Variants in ALK observed in about 807,000 individuals in gnomAD.
The protein encoded by ALK is ALK tyrosine kinase receptor.
In ALK, 74 loss-of-function variants were observed where a neutral mutation model predicts 163.1. The ratio of observed to expected loss-of-function variants is 0.45; its 90% CI spans 0.38 to 0.55. ALK has a LOEUF of 0.55. Ranked by LOEUF, ALK falls within the 20% of genes least tolerant of loss-of-function variation. ALK has a pLI of 0.00. For synonymous variants in ALK, 960 were observed against 843.2 expected (o/e 1.14, Z -2.40); for missense variants, 2,063 against 2,105.3 (o/e 0.98, Z 0.39).
At chr2:29,556,699 TA>T (rs1158026734) in intron 3 of ALK, among the ~76,000 whole-genome samples, 10 of 152,238 alleles carry the variant, frequency 6.6e-5, no homozygotes, top group African/African-American at 2.2e-4. Flanking sequence ...AGGTTTCATT[TA>T]AATGTGGAAG....
rs547543292 is a variant in ALK at position 29,240,463 on chromosome 2, C to T, written c.2205-633G>A. On this transcript the variant is annotated intron_variant, in intron 12 of 28. Transcript: ENST00000389048. ...AGTTAATTATTATTATTATTAATGA[C>T]GGTAGTAGCCATAATTGACTTGGTA... 7.5e-4 allele frequency among the ~76,000 whole-genome samples: 114 copies of T among 152,128 alleles called. 1 individual carries two copies. Among genetic ancestry groups the T allele is most frequent in the Middle Eastern group, 3.4e-3 (1 of 294 alleles).
chr2:29,232,548 T>C lies in ALK; in HGVS notation c.2488-100A>G, dbSNP rs868804594. The C allele has an allele frequency of 1.9e-4, 292 of 1,533,548 alleles. No homozygotes were observed. The Middle Eastern group carries it at 5.2e-3, about 27-fold the overall frequency. 95.0% of individuals were successfully genotyped at this position (1,533,548 alleles called of 1,614,324 possible). A position where few individuals can be genotyped will look rare whatever the true frequency, so the allele number is the denominator to read the frequency against. ...TCAACCTGACTGAGGGTTTGCTGTT[T>C]TGGGGTGACCTGGTGACCTCTCAGT... On this transcript the variant is annotated intron_variant, in intron 14 of 28. Coordinates refer to ENST00000389048, the MANE Select transcript of ALK (RefSeq NM_004304.5).
intron 13 of ALK, among the ~76,000 whole-genome samples, chr2:29,238,878 G>T (rs1170946844): frequency 6.6e-6 from 1 of 152,096 alleles, no homozygotes; most frequent in African/African-American, 2.4e-5. Flanking sequence ...AAAAAGACGC[G>T]GTCCCGTGAA....
Position 29,222,590 on chromosome 2 carries a change from G to C in ALK, c.3377C>G (p.Ala1126Gly). The C allele has an allele frequency of 6.2e-7, 1 of 1,614,008 alleles. No individual in the cohort carries two copies. The highest frequency in any genetic ancestry group is 8.5e-7 in the Non-Finnish European group (1 of 1,180,022). The stretch of plus-strand genomic sequence containing the variant: ...CTGGCCTTCATACACCTCCCCAAAG[G>C]CGCCATGGCCCAGACCCCTGTGCAA... Reference protein sequence around the residue: ...ITLIRGLGHGAFGEVYEGQVS... With the variant: ...ITLIRGLGHGGFGEVYEGQVS... The change falls in exon 21 of 29, where the codon GCC (alanine) becomes GGC (glycine). Residue 1126 changes from alanine (A) to glycine (G), a missense_variant. Physicochemically the swap from Ala to Gly is moderately conservative, Grantham distance 60. Around this residue, in one of 5 missense-constraint regions of ALK, gnomAD observed 575 missense variants for 626.6 expected, o/e 0.92. Transcript: ENST00000389048.
At chr2:29,861,254 C>G (rs1284385938) in intron 1 of ALK, among the ~76,000 whole-genome samples, 2 of 152,102 alleles carry the variant, frequency 1.3e-5, no homozygotes. Flanking sequence ...AATAGAAGAA[C>G]AAACTAAGCC....
At chr2:29,241,377 TC>T (rs1160919179) in intron 12 of ALK, among the ~76,000 whole-genome samples, 1 of 151,944 alleles carries the variant, frequency 6.6e-6, no homozygotes, top group African/African-American at 2.4e-5. Flanking sequence ...TCATTTTCAT[TC>T]CAAACAACAT....
At chr2:29,858,535 C>T (rs1170157612) in intron 1 of ALK, among the ~76,000 whole-genome samples, 1 of 151,240 alleles carries the variant, frequency 6.6e-6, no homozygotes, top group East Asian at 1.9e-4. Context: ...GAGTTCAAGA[C>T]CAGACTGACC....
chr2:29,292,530 A>G (rs539434962), intron 9 of ALK, among the ~76,000 whole-genome samples: 1 of 152,312 alleles, frequency 6.6e-6, no homozygotes, highest in African/African-American at 2.4e-5. Context: ...TGGGGCTGAT[A>G]AAGTGGGGAG....
intron 3 of ALK, among the ~76,000 whole-genome samples, chr2:29,612,029 A>T (rs1675706749): frequency 6.6e-6 from 1 of 152,172 alleles, no homozygotes; most frequent in African/African-American, 2.4e-5. Context: ...ACCTTATAGG[A>T]ACAGATCCAG....
At chr2:29,431,802 G>T (rs181681748) in intron 4 of ALK, among the ~76,000 whole-genome samples, 2 of 152,080 alleles carry the variant, frequency 1.3e-5, no homozygotes, top group Non-Finnish European at 2.9e-5. Context: ...TCTCCCAAAA[G>T]GTTCCACAAA....
At chr2:29,304,745 C>A (rs1666458663) in intron 8 of ALK, among the ~76,000 whole-genome samples, 1 of 152,214 alleles carries the variant, frequency 6.6e-6, no homozygotes, top group African/African-American at 2.4e-5. Context: ...CTTAAGCCAA[C>A]CACTTACCTC....
intron 1 of ALK, among the ~76,000 whole-genome samples, chr2:29,882,176 A>G (rs1406583730): frequency 6.6e-6 from 1 of 152,186 alleles, no homozygotes; most frequent in Admixed American, 6.5e-5. Flanking sequence ...TCCCCTCAAA[A>G]CAAATCTCGA....
intron 4 of ALK, among the ~76,000 whole-genome samples, chr2:29,391,542 C>A (rs1669172263): frequency 6.6e-6 from 1 of 152,148 alleles, no homozygotes; most frequent in South Asian, 2.1e-4. Flanking sequence ...CTCAGGTGAT[C>A]CGCCCACCTT....
rs545139412 is a variant in ALK, at chr2:29,207,289, G to A, written c.3837-17C>T. 4 of 1,600,394 alleles carry A rather than the reference G, an allele frequency of 2.5e-6. No individual in the cohort carries two copies. In the Admixed American group the frequency reaches 5.0e-5, roughly 20 times the overall value. On this transcript the variant is annotated splice_polypyrimidine_tract_variant and intron_variant, in intron 25 of 28. Coordinates refer to ENST00000389048, the MANE Select transcript of ALK (RefSeq NM_004304.5). ...TAGCTCGCCCTGTGGGGAAGGAGAG[G>A]AAAACCAAACTAGGATCTGGAGATG...
At chr2:29,365,789 A>G (rs1284257203) in intron 5 of ALK, among the ~76,000 whole-genome samples, 2 of 152,142 alleles carry the variant, frequency 1.3e-5, no homozygotes, top group East Asian at 3.9e-4. Context: ...CTCCATAAAG[A>G]CCTTTATAAA....
At chr2:29,408,429 T>C (rs1220006686) in intron 4 of ALK, among the ~76,000 whole-genome samples, 4 of 151,954 alleles carry the variant, frequency 2.6e-5, no homozygotes, top group Non-Finnish European at 4.4e-5. Flanking sequence ...GAGCTCAGGA[T>C]GGAGTGGACC....
chr2:29,397,797 A>G (rs920118899), intron 4 of ALK, among the ~76,000 whole-genome samples: 1 of 152,184 alleles, frequency 6.6e-6, no homozygotes, highest in Non-Finnish European at 1.5e-5. Flanking sequence ...TGATACTAGG[A>G]AGTGTTTGCT....
intron 20 of ALK, 21 bp from the exon 21 acceptor site, chr2:29,222,628 G>C (rs773115391): frequency 1.2e-6 from 2 of 1,608,634 alleles, no homozygotes; most frequent in South Asian, 1.1e-5. Context: ...GAGAAGACAA[G>C]AGGAGACAGA....
intron 9 of ALK, among the ~76,000 whole-genome samples, chr2:29,283,479 A>G (rs1049359539): frequency 6.6e-6 from 1 of 152,124 alleles, no homozygotes; most frequent in African/African-American, 2.4e-5. Context: ...GGGAGCTGAC[A>G]TGGTACCGAG....
Sources: allele counts gnomAD v4.1 joint callset (sites outside exome capture counted in the v4.1 genomes callset), GRCh38; gene constraint gnomAD v4.1.1; regional missense constraint gnomAD v4.1.1; transcripts MANE v1.5; gene names NCBI Gene and HGNC (gene_info 2026-07-23, HGNC 2026-07-21).